Variants in LIMS1 observed in about 807,000 individuals in gnomAD.
The protein encoded by LIMS1 is LIM zinc finger domain containing 1.
Under a neutral mutation model 44.1 loss-of-function variants are expected in LIMS1, and 18 were observed. That is an observed-to-expected ratio of 0.41 (90% CI 0.28 to 0.61). The LOEUF is 0.61. LIMS1 is among the 20% of genes least tolerant of loss of function. The pLI is 0.32. For missense variants in LIMS1, 201 were observed against 422.0 expected, an observed-to-expected ratio of 0.48 and a Z score of 4.59; for synonymous variants, 93 against 149.1, an observed-to-expected ratio of 0.62 and a Z score of 2.74.
intron 1 of LIMS1, among the ~76,000 whole-genome samples, chr2:108,599,672 A>G (rs1686896574): frequency 6.6e-6 from 1 of 152,058 alleles, no homozygotes; most frequent in African/African-American, 2.4e-5. Flanking sequence ...TTTTCTCTAC[A>G]TCCTCACCAG....
chr2:108,567,523 G>C (rs1489914216), intron 1 of LIMS1, among the ~76,000 whole-genome samples: 1 of 152,108 alleles, frequency 6.6e-6, no homozygotes, highest in Admixed American at 6.5e-5. Flanking sequence ...GACAGTAAAC[G>C]ATGTGGTACA....
chr2:108,621,235 T>G, intron 1 of LIMS1: 2 of 1,482,686 alleles, frequency 1.3e-6, no homozygotes, highest in Non-Finnish European at 1.8e-6. Context: ...TGCCTGGAGG[T>G]TTCTAAGGCT....
At chr2:108,549,666 T>C (rs184109531) in intron 1 of LIMS1, among the ~76,000 whole-genome samples, 1 of 152,300 alleles carries the variant, frequency 6.6e-6, no homozygotes. Flanking sequence ...TTCCTCAACT[T>C]TCCATATTAA....
chr2:108,630,561 T>G (rs1479481061), intron 1 of LIMS1, among the ~76,000 whole-genome samples: 1 of 152,264 alleles, frequency 6.6e-6, no homozygotes, highest in Non-Finnish European at 1.5e-5. Context: ...TTGAAATACG[T>G]ATCATGACGA....
intron 1 of LIMS1, chr2:108,621,288 C>T (rs987243596): frequency 6.5e-7 from 1 of 1,539,598 alleles, no homozygotes; most frequent in Admixed American, 2.0e-5. Context: ...ACGCTGCTTT[C>T]CCCTGGCAGC....
At chr2:108,544,533 G>C (rs1432209705) in intron 1 of LIMS1, among the ~76,000 whole-genome samples, 1 of 152,106 alleles carries the variant, frequency 6.6e-6, no homozygotes, top group Non-Finnish European at 1.5e-5. Flanking sequence ...TTTTTGCTCT[G>C]TTGTCCAGGC....
At chr2:108,669,369 C>A (rs776700743) in intron 2 of LIMS1, among the ~76,000 whole-genome samples, 3 of 151,878 alleles carry the variant, frequency 2.0e-5, no homozygotes, top group Non-Finnish European at 4.4e-5. Context: ...GATTGTACCA[C>A]TGCACTCCAG....
intron 1 of LIMS1, among the ~76,000 whole-genome samples, chr2:108,611,836 A>AATATAT (rs138970063): frequency 0.012 from 1,529 of 130,952 alleles, 37 homozygotes; most frequent in African/African-American, 0.035. Context: ...CATGATCTAA[A>AATATAT]ATATATATAT....
intron 1 of LIMS1, among the ~76,000 whole-genome samples, chr2:108,644,313 A>G (rs991078425): frequency 1.3e-5 from 2 of 152,020 alleles, no homozygotes; most frequent in Non-Finnish European, 2.9e-5. Flanking sequence ...AGAGGAAGGA[A>G]CAACAGCCTG....
At chr2:108,662,376 A>G in intron 2 of LIMS1, 2 of 1,591,218 alleles carry the variant, frequency 1.3e-6, no homozygotes, top group African/African-American at 1.3e-5. Flanking sequence ...GTGAAGAATA[A>G]AGTGTGACTC....
intron 2 of LIMS1, among the ~76,000 whole-genome samples, chr2:108,665,450 G>A (rs2438777): frequency 3.4e-3 from 511 of 152,128 alleles, no homozygotes; most frequent in Non-Finnish European, 5.8e-3. Flanking sequence ...GTTATCTGGC[G>A]GATGACTGCA....
chr2:108,680,554 A>G (rs1692910444), intron 8 of LIMS1, 141 bp from the exon 9 acceptor site: 1 of 1,343,884 alleles, frequency 7.4e-7, no homozygotes. Flanking sequence ...AAAAAAAAAA[A>G]AAAAAAAAAA....
At chr2:108,539,429 T>A (rs1684248368) in intron 1 of LIMS1, among the ~76,000 whole-genome samples, 1 of 152,184 alleles carries the variant, frequency 6.6e-6, no homozygotes, top group Non-Finnish European at 1.5e-5. Context: ...AGTATGTGCA[T>A]GAGTGTTTGG....
At chr2:108,675,143 G>A (rs1226905458) in intron 5 of LIMS1, among the ~76,000 whole-genome samples, 3 of 151,962 alleles carry the variant, frequency 2.0e-5, no homozygotes, top group Non-Finnish European at 4.4e-5. Flanking sequence ...TGGAAAGGTC[G>A]TGTGTTAGTC....
At chr2:108,590,593 A>G (rs1199541985) in intron 1 of LIMS1, among the ~76,000 whole-genome samples, 1 of 152,252 alleles carries the variant, frequency 6.6e-6, no homozygotes, top group Non-Finnish European at 1.5e-5. Flanking sequence ...ACCCCCTTCA[A>G]TTCTAAGAGA....
At chr2:108,611,661 C>G (rs1396347777) in intron 1 of LIMS1, among the ~76,000 whole-genome samples, 2 of 151,828 alleles carry the variant, frequency 1.3e-5, no homozygotes, top group Admixed American at 1.3e-4. Flanking sequence ...GTGGGGATCG[C>G]TTGAGCTCAG....
chr2:108,681,217 C>G (rs1450309338), intron 9 of LIMS1: 9 of 1,252,784 alleles, frequency 7.2e-6, no homozygotes, highest in Non-Finnish European at 7.0e-6. Flanking sequence ...TCTTCCCCCC[C>G]TGCAACTTTT....
intron 1 of LIMS1, among the ~76,000 whole-genome samples, chr2:108,642,335 GTTTTTT>G (rs1573529607): frequency 2.1e-4 from 7 of 34,132 alleles, no homozygotes; most frequent in Admixed American, 3.0e-4. Context: ...AGCTACTAGT[GTTTTTT>G]GTTTTTTTTT....
chr2:108,607,287 C>G, intron 1 of LIMS1: 1 of 1,546,698 alleles, frequency 6.5e-7, no homozygotes, highest in East Asian at 2.4e-5. Context: ...TGAGCTGTTC[C>G]CCCTCCAAAT....
Sources: allele counts gnomAD v4.1 joint callset (sites outside exome capture counted in the v4.1 genomes callset), GRCh38; gene constraint gnomAD v4.1.1; transcripts MANE v1.5; gene names NCBI Gene and HGNC (gene_info 2026-07-23, HGNC 2026-07-21).